SH3KBP1: variants seen among roughly 807,000 people sequenced by gnomAD.
SH3KBP1 encodes the protein SH3 domain containing kinase binding protein 1, also known as SH3 domain-containing kinase-binding protein 1.
In SH3KBP1, 8 loss-of-function variants were observed where a neutral mutation model predicts 50.1. The ratio of observed to expected loss-of-function variants is 0.16; its 90% CI spans 0.09 to 0.29. The LOEUF is 0.29. Ranked by LOEUF, SH3KBP1 falls within the 10% of genes least tolerant of loss-of-function variation. The pLI, the probability that SH3KBP1 is intolerant of heterozygous loss-of-function variation, is 1.00. For synonymous variants in SH3KBP1, 227 were observed against 218.6 expected (o/e 1.04, Z -0.34); for missense variants, 377 against 535.2 (o/e 0.70, Z 2.92).
intron 1 of SH3KBP1, among the ~76,000 whole-genome samples, chrX:19,874,068 A>AAATATATAT (rs1491537486): frequency 3.0e-4 from 17 of 57,031 alleles, no homozygotes; most frequent in African/African-American, 2.4e-3. Context: ...AAAAAAAAAA[A>AAATATATAT]ATATATATAT....
intron 9 of SH3KBP1, 50 bp downstream of exon 9, chrX:19,607,888 C>T: frequency 4.7e-6 from 5 of 1,057,685 alleles, no homozygotes; most frequent in Non-Finnish European, 6.6e-6. Flanking sequence ...CATCCCAAGT[C>T]CCAACATGGG....
At chrX:19,798,387 G>A (rs922156025) in intron 2 of SH3KBP1, among the ~76,000 whole-genome samples, 2 of 110,829 alleles carry the variant, frequency 1.8e-5, no homozygotes, top group Admixed American at 9.6e-5. Flanking sequence ...GTGCCTGGCC[G>A]AGGTTTACCT....
At chrX:19,862,738 A>T (rs1023519203) in intron 1 of SH3KBP1, among the ~76,000 whole-genome samples, 7 of 111,859 alleles carry the variant, frequency 6.3e-5, no homozygotes, top group Non-Finnish European at 1.1e-4. Flanking sequence ...AAGTCTCCTC[A>T]TATAGCTCTG....
chrX:19,609,430 T>A (rs189212491), intron 8 of SH3KBP1, among the ~76,000 whole-genome samples: 1 of 111,989 alleles, frequency 8.9e-6, no homozygotes, highest in Admixed American at 9.5e-5. Context: ...TTTTGTCCTA[T>A]AGCAGACTCC....
chrX:19,652,137 G>C (rs2062144776), intron 6 of SH3KBP1, among the ~76,000 whole-genome samples: 1 of 110,843 alleles, frequency 9.0e-6, no homozygotes, highest in Admixed American at 9.6e-5. Flanking sequence ...TCTTAGATTA[G>C]AGCCCTACTG....
intron 7 of SH3KBP1, among the ~76,000 whole-genome samples, chrX:19,639,653 C>A (rs1487215304): frequency 3.6e-5 from 4 of 111,160 alleles, no homozygotes; most frequent in African/African-American, 6.5e-5. Context: ...ATGAAAGGTG[C>A]TTCTTAGGAA....
chrX:19,618,714 G>A (rs1452453483), intron 8 of SH3KBP1, among the ~76,000 whole-genome samples: 2 of 111,561 alleles, frequency 1.8e-5, no homozygotes, highest in Non-Finnish European at 1.9e-5. Flanking sequence ...AGTGGTTCAC[G>A]CCTGTAATCC....
At chrX:19,820,701 T>A in intron 2 of SH3KBP1, among the ~76,000 whole-genome samples, 1 of 111,195 alleles carries the variant, frequency 9.0e-6, no homozygotes, top group Non-Finnish European at 1.9e-5. Flanking sequence ...CATATTGACA[T>A]GTTAGGACTT....
intron 6 of SH3KBP1, among the ~76,000 whole-genome samples, chrX:19,667,181 C>A (rs1006046658): frequency 1.8e-5 from 2 of 111,769 alleles, no homozygotes; most frequent in Non-Finnish European, 3.8e-5. Flanking sequence ...ACAGTAGCTG[C>A]CGGGGTCAGG....
intron 8 of SH3KBP1, among the ~76,000 whole-genome samples, chrX:19,620,650 C>T (rs1179443586): frequency 9.0e-6 from 1 of 111,714 alleles, no homozygotes; most frequent in Non-Finnish European, 1.9e-5. Context: ...GGAAAGGCTC[C>T]AATGTGAAAG....
intron 2 of SH3KBP1, among the ~76,000 whole-genome samples, chrX:19,759,613 C>T (rs1388206604): frequency 9.0e-6 from 1 of 111,627 alleles, no homozygotes; most frequent in Admixed American, 9.5e-5. Context: ...GACAGCTGGG[C>T]ATTTTCATTT....
At chrX:19,589,927 C>T (rs1311098750) in intron 11 of SH3KBP1, among the ~76,000 whole-genome samples, 1 of 109,773 alleles carries the variant, frequency 9.1e-6, no homozygotes, top group Non-Finnish European at 1.9e-5. Context: ...CAAGACCAGC[C>T]TGGGCAACAC....
intron 2 of SH3KBP1, among the ~76,000 whole-genome samples, chrX:19,750,850 G>C (rs1208557746): frequency 9.0e-6 from 1 of 111,122 alleles, no homozygotes; most frequent in African/African-American, 3.3e-5. Flanking sequence ...AACTGATTTT[G>C]CCAAACATAT....
At chrX:19,769,300 C>T (rs962706690) in intron 2 of SH3KBP1, among the ~76,000 whole-genome samples, 3 of 107,970 alleles carry the variant, frequency 2.8e-5, no homozygotes, top group Admixed American at 1.0e-4. Context: ...GACAGGGTCT[C>T]GCCAAGTTGC....
At chrX:19,637,842 G>A (rs2061743462) in intron 7 of SH3KBP1, among the ~76,000 whole-genome samples, 1 of 109,965 alleles carries the variant, frequency 9.1e-6, no homozygotes, top group Admixed American at 9.7e-5. Context: ...ACTTTGGGAG[G>A]CCGAGGCAGG....
intron 3 of SH3KBP1, among the ~76,000 whole-genome samples, chrX:19,734,239 A>ATGGC (rs2064467382): frequency 8.9e-6 from 1 of 112,075 alleles, no homozygotes; most frequent in East Asian, 2.8e-4. Flanking sequence ...TGCCACAGCC[A>ATGGC]GTTCTCTACC....
At chrX:19,540,151 G>A (rs1330306530) in intron 16 of SH3KBP1, among the ~76,000 whole-genome samples, 1 of 111,304 alleles carries the variant, frequency 9.0e-6, no homozygotes, top group Non-Finnish European at 1.9e-5. Flanking sequence ...GGGGCCTTTG[G>A]GTACCTAAAT....
In SH3KBP1 at chrX:19,620,182, T is replaced by C. The variant is rs759487805; in HGVS notation, c.897+11682A>G. 7.1e-5 allele frequency among the ~76,000 whole-genome samples: 8 copies of C among 112,282 alleles called. No individual in the cohort carries two copies. In the South Asian group the frequency reaches 2.9e-3, roughly 41 times the overall value. On this transcript the variant is annotated intron_variant, in intron 8 of 17. Coordinates refer to ENST00000397821, the MANE Select transcript of SH3KBP1 (RefSeq NM_031892.3). ...GTTCATAAAGCATTTTTTATTATTA[T>C]GTTTTAAGAGATTTTCTTAGCTCCT...
chrX:19,651,099 T>C (rs774511940), intron 6 of SH3KBP1, among the ~76,000 whole-genome samples: 5 of 111,323 alleles, frequency 4.5e-5, no homozygotes, highest in Admixed American at 9.5e-5. Context: ...GATGGCATTA[T>C]GAAAAGTCTT....
Sources: gnomAD v4.1 joint callset for allele counts (sites outside exome capture counted in the v4.1 genomes callset) on GRCh38, gnomAD v4.1.1 for gene constraint, MANE v1.5 for transcripts, NCBI Gene and HGNC (gene_info 2026-07-23, HGNC 2026-07-21) for gene names.